Variants in FSTL5 observed in about 807,000 individuals in gnomAD.
FSTL5 encodes follistatin like 5, also known as follistatin-related protein 5.
Under a neutral mutation model 89.1 loss-of-function variants are expected in FSTL5, and 62 were observed. The observed-to-expected ratio is 0.70, with a 90% confidence interval of 0.57 to 0.86. The LOEUF (loss-of-function observed/expected upper bound fraction) is 0.86. Ranked by LOEUF, FSTL5 falls within the 40% of genes least tolerant of loss-of-function variation. FSTL5 has a pLI of 0.00. For missense variants in FSTL5, 1,057 were observed against 1,001.6 expected (o/e 1.06, Z -0.75); for synonymous variants, 383 against 346.2 (o/e 1.11, Z -1.18).
intron 4 of FSTL5, among the ~76,000 whole-genome samples, chr4:161,841,249 T>C (rs1731203702): frequency 6.6e-6 from 1 of 152,202 alleles, no homozygotes; most frequent in Non-Finnish European, 1.5e-5. Flanking sequence ...ACCTCTTTCA[T>C]TGATTAAAAA....
chr4:161,547,010 G>C (rs1274203442), intron 8 of FSTL5, among the ~76,000 whole-genome samples: 1 of 151,994 alleles, frequency 6.6e-6, no homozygotes, highest in African/African-American at 2.4e-5. Flanking sequence ...AAAAGGTATT[G>C]CAATATTTTC....
chr4:161,662,853 C>T (rs1228248230), intron 6 of FSTL5, among the ~76,000 whole-genome samples: 2 of 152,150 alleles, frequency 1.3e-5, no homozygotes, highest in East Asian at 1.9e-4. Context: ...ATACCTGAGA[C>T]TGGAAAGAAA....
At chr4:161,505,512 T>C (rs1730448595) in intron 11 of FSTL5, among the ~76,000 whole-genome samples, 1 of 152,186 alleles carries the variant, frequency 6.6e-6, no homozygotes, top group African/African-American at 2.4e-5. Context: ...ACCAGTCATT[T>C]TGAGTAAGTA....
At chr4:162,117,768 C>T (rs1731698911) in intron 1 of FSTL5, among the ~76,000 whole-genome samples, 1 of 152,104 alleles carries the variant, frequency 6.6e-6, no homozygotes, top group South Asian at 2.1e-4. Flanking sequence ...TCAGTAAAGA[C>T]AGAACTATGT....
In FSTL5 at chr4:161,500,079, T is replaced by C. The variant is rs1730243430; in HGVS notation, c.1395A>G (p.Ile465Met). Residue 465 changes from isoleucine to methionine, a missense_variant, in exon 12 of 16, where the codon ATA becomes ATG. Transcript: ENST00000306100. ...YVFYEDGIKVIQPIECEFQRH... is the reference protein window; with the variant it reads ...YVFYEDGIKVMQPIECEFQRH... ...TCTGAAATTCACATTCTATGGGTTG[T>C]ATCACTTTGATTCCATCTTCATAAA... is the stretch of plus-strand genomic sequence containing the variant. 5.6e-6 allele frequency: 9 copies of C among 1,610,292 alleles called. No individual in the cohort carries two copies. Among genetic ancestry groups the C allele is most frequent in the Non-Finnish European group, 7.6e-6 (9 of 1,177,756 alleles).
intron 9 of FSTL5, 49 bp from the exon 10 acceptor site, chr4:161,538,349 G>C (rs2126539552): frequency 6.2e-7 from 1 of 1,602,112 alleles, no homozygotes; most frequent in South Asian, 1.1e-5. Flanking sequence ...TTCAGTTTTG[G>C]AACAGTGCTT....
chr4:162,019,388 A>G (rs898412521), intron 3 of FSTL5, among the ~76,000 whole-genome samples: 1 of 152,064 alleles, frequency 6.6e-6, no homozygotes. Context: ...TAAAAAATTA[A>G]CATTAGTCTA....
chr4:161,811,898 A>AT (rs1192762596), intron 4 of FSTL5, among the ~76,000 whole-genome samples: 1 of 152,220 alleles, frequency 6.6e-6, no homozygotes, highest in Non-Finnish European at 1.5e-5. Flanking sequence ...GACTGAATAC[A>AT]TATAGAATGT....
chr4:161,527,334 A>T (rs1444013170), intron 10 of FSTL5, among the ~76,000 whole-genome samples: 1 of 152,200 alleles, frequency 6.6e-6, no homozygotes, highest in Admixed American at 6.5e-5. Context: ...CAGCAAAAGA[A>T]ACTACCATCA....
chr4:161,554,612 T>C (rs1370409195), intron 8 of FSTL5, among the ~76,000 whole-genome samples: 1 of 151,658 alleles, frequency 6.6e-6, no homozygotes, highest in African/African-American at 2.4e-5. Flanking sequence ...TTAAGGTGAA[T>C]CGTCAGGTCA....
At chr4:161,620,397 G>T (rs1047012835) in intron 7 of FSTL5, among the ~76,000 whole-genome samples, 3 of 152,116 alleles carry the variant, frequency 2.0e-5, no homozygotes, top group Admixed American at 1.3e-4. Flanking sequence ...GCTTACATCT[G>T]TAATCCCAGT....
intron 3 of FSTL5, among the ~76,000 whole-genome samples, chr4:161,944,521 A>C (rs1417647779): frequency 6.6e-6 from 1 of 152,054 alleles, no homozygotes; most frequent in Non-Finnish European, 1.5e-5. Flanking sequence ...ACAATATACT[A>C]TATATTTTAG....
At chr4:161,972,941 C>T (rs1045855959) in intron 3 of FSTL5, among the ~76,000 whole-genome samples, 3 of 152,166 alleles carry the variant, frequency 2.0e-5, no homozygotes, top group Non-Finnish European at 4.4e-5. Context: ...AATCATATCG[C>T]TGCCTCTATT....
At chr4:161,599,384 C>T (rs1220536150) in intron 7 of FSTL5, among the ~76,000 whole-genome samples, 1 of 151,990 alleles carries the variant, frequency 6.6e-6, no homozygotes, top group Non-Finnish European at 1.5e-5. Flanking sequence ...AAAATATAAA[C>T]TCAAATATGA....
chr4:161,530,350 T>C (rs762030292), intron 10 of FSTL5, among the ~76,000 whole-genome samples: 1 of 142,408 alleles, frequency 7.0e-6, no homozygotes, highest in African/African-American at 2.5e-5. Flanking sequence ...TTAGCAATTA[T>C]GCTTATTTCA....
intron 1 of FSTL5, among the ~76,000 whole-genome samples, chr4:162,159,636 G>A (rs1159488846): frequency 6.6e-6 from 1 of 151,904 alleles, no homozygotes; most frequent in Non-Finnish European, 1.5e-5. Flanking sequence ...TATGCGCAGG[G>A]ATATCCAGGC....
chr4:161,622,293 T>G (rs1257873142), intron 7 of FSTL5, among the ~76,000 whole-genome samples: 1 of 152,084 alleles, frequency 6.6e-6, no homozygotes, highest in Non-Finnish European at 1.5e-5. Flanking sequence ...TGGTGAATCC[T>G]GGAAAGGTTA....
Position 162,051,300 on chromosome 4 carries a change from TAA to T in FSTL5, c.127-17644_127-17643del, listed in dbSNP as rs1309804293. Among the ~76,000 whole-genome samples, 5 of 151,476 alleles carry T rather than the reference TAA, an allele frequency of 3.3e-5. No homozygotes were observed. The East Asian group carries it at 5.8e-4, about 17-fold the overall frequency. On this transcript the variant is annotated intron_variant, in intron 2 of 15. Coordinates refer to ENST00000306100, the MANE Select transcript of FSTL5 (RefSeq NM_020116.5). ...AATAAGAGATTTAACACTGAATATA[TAA>T]GTTAATTATATAAATTAAATTGATT...
At chr4:161,534,943 G>A (rs1310331133) in intron 10 of FSTL5, among the ~76,000 whole-genome samples, 1 of 151,878 alleles carries the variant, frequency 6.6e-6, no homozygotes, top group African/African-American at 2.4e-5. Flanking sequence ...TCTTATCTTT[G>A]ACAAAATAGA....
Sources: gnomAD v4.1 joint callset for allele counts (sites outside exome capture counted in the v4.1 genomes callset) on GRCh38, gnomAD v4.1.1 for gene constraint, MANE v1.5 for transcripts, NCBI Gene and HGNC (gene_info 2026-07-23, HGNC 2026-07-21) for gene names.